ACTR2: variants seen among roughly 807,000 people sequenced by gnomAD.
ACTR2 encodes actin related protein 2.
ACTR2 carries 5 observed loss-of-function variants against 50.2 expected under a neutral mutation model. The ratio of observed to expected loss-of-function variants is 0.10; its 90% CI spans 0.05 to 0.21. The LOEUF (loss-of-function observed/expected upper bound fraction) is 0.21, where lower values mean the gene tolerates loss of function less well. Among genes scored for constraint, ACTR2 ranks in the 10% least tolerant of loss-of-function variants. ACTR2 has a pLI of 1.00. For synonymous variants in ACTR2, 140 were observed against 162.9 expected (o/e 0.86, Z 1.07); for missense variants, 180 against 480.6 (o/e 0.37, Z 5.85).
At chr2:65,262,689 G>A (rs1175732885) in intron 7 of ACTR2, among the ~76,000 whole-genome samples, 1 of 152,096 alleles carries the variant, frequency 6.6e-6, no homozygotes, top group African/African-American at 2.4e-5. Context: ...CAGGGGTGGT[G>A]GCTTCTGGCT....
chr2:65,240,802 G>T (rs1164931874), intron 2 of ACTR2, among the ~76,000 whole-genome samples: 1 of 152,148 alleles, frequency 6.6e-6, no homozygotes, highest in Non-Finnish European at 1.5e-5. Flanking sequence ...GTCCTATCTG[G>T]ATAGTCTTTA....
At chr2:65,258,599 C>T (rs1282946107) in intron 6 of ACTR2, among the ~76,000 whole-genome samples, 1 of 152,024 alleles carries the variant, frequency 6.6e-6, no homozygotes, top group African/African-American at 2.4e-5. Flanking sequence ...AAAAACAAAA[C>T]AAAATCCATA....
At chr2:65,260,393 C>T (rs181677973) in intron 6 of ACTR2, among the ~76,000 whole-genome samples, 1 of 152,104 alleles carries the variant, frequency 6.6e-6, no homozygotes, top group Non-Finnish European at 1.5e-5. Context: ...GTAATCCGAG[C>T]TACTCAGGAG....
At chr2:65,254,081 A>T (rs930414396) in intron 5 of ACTR2, among the ~76,000 whole-genome samples, 4 of 152,232 alleles carry the variant, frequency 2.6e-5, no homozygotes, top group African/African-American at 9.6e-5. Flanking sequence ...TACACACATG[A>T]TCTCTGTATA....
chr2:65,268,429 A>G, intron 8 of ACTR2, 135 bp from the exon 9 acceptor site: 2 of 506,386 alleles, frequency 3.9e-6, no homozygotes, highest in South Asian at 2.3e-5. Flanking sequence ...TACCTCAGGT[A>G]CCAAATATTA....
At chr2:65,233,288 C>A (rs1671674526) in intron 1 of ACTR2, among the ~76,000 whole-genome samples, 1 of 151,896 alleles carries the variant, frequency 6.6e-6, no homozygotes, top group African/African-American at 2.4e-5. Context: ...AGCACTGCGC[C>A]CAGTCTAGAT....
chr2:65,239,899 C>T lies in ACTR2; in HGVS notation c.96C>T (p.Phe32=), dbSNP rs1380418135. 1.5e-5 allele frequency: 25 copies of T among 1,613,272 alleles called. No individual in the cohort carries two copies. Among genetic ancestry groups the T allele is most frequent in the Non-Finnish European group, 2.1e-5 (25 of 1,179,566 alleles). ...GCTCTAACTTTCCAGAACACATCTT[C>T]CCAGCTTTGGTTGGAAGACCTATTA... The part of the protein sequence containing the change: ...YAGSNFPEHI[F]PALVGRPIIR... The change falls in exon 2 of 9, where the codon TTC becomes TTT. Residue 32 remains phenylalanine (F), a synonymous_variant. Transcript: ENST00000260641.
rs143937142 is a variant in ACTR2 at position 65,237,664 on chromosome 2, A to G, written c.49-2188A>G. The stretch of plus-strand genomic sequence containing the variant: ...CCAGGAGTTCCAGACCAGCCCGTGC[A>G]ACATAGTGAGACCCCATCTCTACAA... On this transcript the variant is annotated intron_variant, in intron 1 of 8. Transcript: ENST00000260641. Among the ~76,000 whole-genome samples, 719 of 152,266 alleles carry G rather than the reference A, an allele frequency of 4.7e-3. 3 individuals are homozygous for G. The highest frequency in any genetic ancestry group is 0.017 in the African/African-American group (688 of 41,544).
At chr2:65,262,256 A>G in intron 7 of ACTR2, among the ~76,000 whole-genome samples, 1 of 152,002 alleles carries the variant, frequency 6.6e-6, no homozygotes, top group East Asian at 1.9e-4. Flanking sequence ...TTGAGACGGA[A>G]TGTCACTCTC....
chr2:65,260,823 G>A (rs1215961067), intron 6 of ACTR2, among the ~76,000 whole-genome samples: 3 of 148,232 alleles, frequency 2.0e-5, no homozygotes, highest in South Asian at 2.1e-4. Flanking sequence ...TCTGCCTCCC[G>A]GGTTCACGCC....
At chr2:65,255,472 GAGCATTACT>G in intron 5 of ACTR2, 64 bp from the exon 6 acceptor site, 1 of 1,333,052 alleles carries the variant, frequency 7.5e-7, no homozygotes, top group Non-Finnish European at 1.0e-6. Flanking sequence ...CATATTTAAT[GAGCATTACT>G]AGCTTTTGCA....
At chr2:65,242,934 T>C (rs772173687) in intron 2 of ACTR2, among the ~76,000 whole-genome samples, 1 of 152,228 alleles carries the variant, frequency 6.6e-6, no homozygotes, top group Non-Finnish European at 1.5e-5. Context: ...AGAGGAAATT[T>C]ATCCTAAATA....
At chr2:65,241,200 T>C in intron 2 of ACTR2, among the ~76,000 whole-genome samples, 1 of 152,140 alleles carries the variant, frequency 6.6e-6, no homozygotes, top group East Asian at 1.9e-4. Flanking sequence ...GGAAATTAGC[T>C]AATAATAGTG....
chr2:65,263,820 ACGAGGCCGGCG>A (rs1432056524), intron 7 of ACTR2, among the ~76,000 whole-genome samples: 23 of 72,426 alleles, frequency 3.2e-4, no homozygotes, highest in Admixed American at 7.3e-4. Flanking sequence ...CCGGTGAATC[ACGAGGCCGGCG>A]AATCACGAGG....
At chr2:65,267,308 C>T (rs542477704) in intron 8 of ACTR2, among the ~76,000 whole-genome samples, 1 of 152,126 alleles carries the variant, frequency 6.6e-6, no homozygotes, top group African/African-American at 2.4e-5. Flanking sequence ...TACAAAGCCT[C>T]AAGTATCTGG....
At chr2:65,244,190 C>A (rs1002862859) in intron 2 of ACTR2, among the ~76,000 whole-genome samples, 2 of 152,020 alleles carry the variant, frequency 1.3e-5, no homozygotes, top group African/African-American at 4.8e-5. Context: ...TAAATGTAAG[C>A]CCCTATTTGT....
intron 2 of ACTR2, chr2:65,242,064 G>C: frequency 6.2e-7 from 1 of 1,601,430 alleles, no homozygotes; most frequent in Non-Finnish European, 8.5e-7. Context: ...CAAAAAGATG[G>C]TAAGTGAGGT....
intron 3 of ACTR2, among the ~76,000 whole-genome samples, chr2:65,247,503 A>G (rs915070884): frequency 1.3e-5 from 2 of 152,112 alleles, no homozygotes; most frequent in Non-Finnish European, 2.9e-5. Context: ...CAGGAGAATG[A>G]CGTGAACCCT....
At chr2:65,261,535 G>A in intron 7 of ACTR2, 143 bp downstream of exon 7, 1 of 867,122 alleles carries the variant, frequency 1.2e-6, no homozygotes, top group Non-Finnish European at 1.7e-6. Context: ...CTTACGGAAA[G>A]GTTGCAAGAA....
Sources: allele counts gnomAD v4.1 joint callset (sites outside exome capture counted in the v4.1 genomes callset), GRCh38; gene constraint gnomAD v4.1.1; transcripts MANE v1.5; gene names NCBI Gene and HGNC (gene_info 2026-07-23, HGNC 2026-07-21).